MPPED2: variants seen among roughly 807,000 people sequenced by gnomAD.
MPPED2 encodes the protein metallophosphoesterase MPPED2.
In MPPED2, 5 loss-of-function variants were observed where a neutral mutation model predicts 33.0. The observed-to-expected ratio is 0.15, with a 90% CI of 0.08 to 0.32. The LOEUF is 0.32. Among genes scored for constraint, MPPED2 ranks in the 10% least tolerant of loss-of-function variants. The probability of loss-of-function intolerance (pLI) is 1.00; values close to 1 mark genes in which losing one functional copy is unlikely to be tolerated. For missense variants in MPPED2, 275 were observed against 372.1 expected, an observed-to-expected ratio of 0.74 and a Z score of 2.15; for synonymous variants, 136 against 141.9, an observed-to-expected ratio of 0.96 and a Z score of 0.29.
chr11:30,456,647 T>C (rs1950291713), intron 4 of MPPED2, among the ~76,000 whole-genome samples: 1 of 152,200 alleles, frequency 6.6e-6, no homozygotes, highest in Non-Finnish European at 1.5e-5. Flanking sequence ...ATTACAATCC[T>C]GATATTCTGT....
chr11:30,468,167 T>C (rs1169369123), intron 4 of MPPED2, among the ~76,000 whole-genome samples: 1 of 151,620 alleles, frequency 6.6e-6, no homozygotes, highest in Non-Finnish European at 1.5e-5. Flanking sequence ...CTTTTATTAC[T>C]TAAATAAATT....
chr11:30,503,061 T>C (rs1254374159), intron 3 of MPPED2, among the ~76,000 whole-genome samples: 2 of 152,178 alleles, frequency 1.3e-5, no homozygotes, highest in Non-Finnish European at 2.9e-5. Context: ...TTGTAGCTCC[T>C]GTTATCCCCA....
chr11:30,407,592 C>G (rs1948009947), downstream of MPPED2, among the ~76,000 whole-genome samples: 1 of 152,150 alleles, frequency 6.6e-6, no homozygotes, highest in African/African-American at 2.4e-5. Context: ...TGACTGAAGG[C>G]CAGGGACGGT....
At chr11:30,517,436 T>C (rs947832035) in intron 3 of MPPED2, among the ~76,000 whole-genome samples, 2 of 152,154 alleles carry the variant, frequency 1.3e-5, no homozygotes, top group Admixed American at 6.6e-5. Context: ...ATGTATACGG[T>C]AAAAGACATT....
chr11:30,534,074 G>GTA (rs1954680954), intron 3 of MPPED2, among the ~76,000 whole-genome samples: 2 of 152,176 alleles, frequency 1.3e-5, no homozygotes, highest in Non-Finnish European at 2.9e-5. Flanking sequence ...AAGACAAGTA[G>GTA]TATTAATCCT....
chr11:30,399,877 T>C (rs1253435830), intron 6 of MPPED2, among the ~76,000 whole-genome samples: 1 of 152,190 alleles, frequency 6.6e-6, no homozygotes, highest in African/African-American at 2.4e-5. Context: ...ATATATACTT[T>C]TTAAAAAAAT....
intron 3 of MPPED2, among the ~76,000 whole-genome samples, chr11:30,496,704 T>C (rs1952272579): frequency 2.4e-3 from 1 of 412 alleles, no homozygotes; most frequent in African/African-American, 0.011. Flanking sequence ...AAGAGAATTT[T>C]GTGGGCGGGG....
chr11:30,418,304 T>G (rs1050898074), intron 4 of MPPED2, among the ~76,000 whole-genome samples: 4 of 152,236 alleles, frequency 2.6e-5, no homozygotes, highest in Non-Finnish European at 5.9e-5. Flanking sequence ...TCCACTCTCC[T>G]GACAATGAAC....
intron 4 of MPPED2, among the ~76,000 whole-genome samples, chr11:30,428,540 T>C (rs1017494139): frequency 4.6e-5 from 7 of 152,032 alleles, no homozygotes; most frequent in African/African-American, 1.4e-4. Context: ...AAAAAATAAA[T>C]AGAAGTTGTA....
chr11:30,456,369 G>A (rs944380282), intron 4 of MPPED2, among the ~76,000 whole-genome samples: 2 of 152,170 alleles, frequency 1.3e-5, no homozygotes, highest in African/African-American at 4.8e-5. Flanking sequence ...TAAACACATG[G>A]CAATGAGCAG....
intron 4 of MPPED2, among the ~76,000 whole-genome samples, chr11:30,472,981 T>C (rs1951013142): frequency 6.6e-6 from 1 of 152,266 alleles, no homozygotes; most frequent in East Asian, 1.9e-4. Context: ...AAACATCCTC[T>C]ATGAAATTTT....
chr11:30,418,246 T>C (rs1177278042), intron 4 of MPPED2, among the ~76,000 whole-genome samples: 1 of 152,194 alleles, frequency 6.6e-6, no homozygotes, highest in East Asian at 1.9e-4. Flanking sequence ...AGAACTTTTC[T>C]TCTGCCACCA....
intron 4 of MPPED2, among the ~76,000 whole-genome samples, chr11:30,443,730 T>G (rs1019464749): frequency 6.6e-6 from 1 of 152,228 alleles, no homozygotes; most frequent in African/African-American, 2.4e-5. Context: ...TCTTCTATCC[T>G]AAGAGGATGA....
intron 1 of MPPED2, among the ~76,000 whole-genome samples, chr11:30,583,097 A>G (rs1200142971): frequency 6.7e-6 from 1 of 149,714 alleles, no homozygotes; most frequent in East Asian, 2.0e-4. Context: ...AACACATCTT[A>G]AGAATTTTAA....
intron 3 of MPPED2, among the ~76,000 whole-genome samples, chr11:30,504,341 T>C (rs1224526615): frequency 1.3e-5 from 2 of 152,082 alleles, no homozygotes; most frequent in African/African-American, 4.8e-5. Flanking sequence ...AAAAAAGTAA[T>C]ACCAACTGCT....
At chr11:30,465,953 A>C (rs1243424203) in intron 4 of MPPED2, among the ~76,000 whole-genome samples, 1 of 152,218 alleles carries the variant, frequency 6.6e-6, no homozygotes, top group African/African-American at 2.4e-5. Flanking sequence ...AGCTACATCC[A>C]AGCTTATAGT....
At chr11:30,546,338 G>A (rs558658056) in intron 2 of MPPED2, among the ~76,000 whole-genome samples, 107 of 152,152 alleles carry the variant, frequency 7.0e-4, no homozygotes, top group African/African-American at 2.5e-3. Context: ...TCAAACACAC[G>A]AGCTTGTTTT....
intron 4 of MPPED2, among the ~76,000 whole-genome samples, chr11:30,493,188 G>A (rs932534885): frequency 2.0e-5 from 3 of 151,878 alleles, no homozygotes; most frequent in Non-Finnish European, 4.4e-5. Context: ...TCGAGACCAC[G>A]GTGAAACCCC....
At chr11:30,521,722 G>A (rs1355991143) in intron 3 of MPPED2, among the ~76,000 whole-genome samples, 1 of 152,176 alleles carries the variant, frequency 6.6e-6, no homozygotes, top group Non-Finnish European at 1.5e-5. Context: ...AACTAGAAAT[G>A]AAACAAATAT....
Sources: gnomAD v4.1 joint callset for allele counts (sites outside exome capture counted in the v4.1 genomes callset) on GRCh38, gnomAD v4.1.1 for gene constraint, MANE v1.5 for transcripts, NCBI Gene and HGNC (gene_info 2026-07-23, HGNC 2026-07-21) for gene names.